Variants in MGAM observed in about 807,000 individuals in gnomAD.
MGAM encodes the protein alpha-1,4-glucosidase.
Under a neutral mutation model 358.8 loss-of-function variants are expected in MGAM, and 253 were observed. The observed-to-expected ratio is 0.71, with a 90% confidence interval of 0.64 to 0.78. The LOEUF (loss-of-function observed/expected upper bound fraction) is 0.78. MGAM is among the 30% of genes least tolerant of loss of function. The pLI is 0.00. For missense variants in MGAM, 3,080 were observed against 3,432.6 expected, an observed-to-expected ratio of 0.90 and a Z score of 2.57; for synonymous variants, 1,105 against 1,227.1, an observed-to-expected ratio of 0.90 and a Z score of 2.08.
chr7:142,053,657 T>C (rs1273676414), intron 26 of MGAM, among the ~76,000 whole-genome samples: 1 of 152,180 alleles, frequency 6.6e-6, no homozygotes, highest in Non-Finnish European at 1.5e-5. Flanking sequence ...GAATGTGCCC[T>C]TTCCTGTTTG....
chr7:142,100,646 A>T (rs1172207363), intron 67 of MGAM, among the ~76,000 whole-genome samples, 156 bp from the exon 68 acceptor site: 3 of 152,222 alleles, frequency 2.0e-5, no homozygotes, highest in African/African-American at 7.2e-5. Context: ...CCAGACAGAG[A>T]CAGAATTAGA....
upstream of MGAM, among the ~76,000 whole-genome samples, chr7:141,993,312 A>G (rs1014392202): frequency 1.3e-5 from 2 of 152,266 alleles, no homozygotes; most frequent in African/African-American, 4.8e-5. Flanking sequence ...ATTGTCCAAT[A>G]TATCACAGAC....
In MGAM at chr7:142,093,920, T is replaced by C. The variant is rs1487508536; in HGVS notation, c.7172+370T>C. Reference sequence around the variant, plus strand: ...CTCCCCTTTATTTCAAAGTGAATCATCTTTGGAGTTCTTTTTTGTTTTTCA... The same window carrying C: ...CTCCCCTTTATTTCAAAGTGAATCACCTTTGGAGTTCTTTTTTGTTTTTCA... On this transcript the variant is annotated intron_variant, in intron 60 of 70. Coordinates refer to ENST00000475668, the MANE Select transcript of MGAM (RefSeq NM_001365693.1). 5.5e-5 allele frequency among the ~76,000 whole-genome samples: 8 copies of C among 145,296 alleles called. 1 individual carries two copies. The highest frequency in any genetic ancestry group is 1.1e-4 in the Non-Finnish European group (7 of 64,098).
intron 24 of MGAM, 56 bp from the exon 25 acceptor site, chr7:142,052,238 C>A: frequency 6.9e-7 from 1 of 1,439,616 alleles, no homozygotes; most frequent in Non-Finnish European, 9.3e-7. Context: ...AACCTCAGGT[C>A]TTGCAAAGCC....
rs1339468724 is a variant in MGAM at position 142,045,419 on chromosome 7, C to T, written c.2499-2366C>T. Among the ~76,000 whole-genome samples, 21 of 104,598 alleles carry T rather than the reference C, an allele frequency of 2.0e-4. 1 individual carries two copies. The highest frequency in any genetic ancestry group is 1.6e-3 in the Admixed American group (12 of 7,492). The allele number at this position is 104,598 out of a possible 152,430, so 68.6% of individuals were successfully genotyped here. ...TGATATATTATATATATTATATATACCTATAATACATGATATATTATATAT... is the reference window on the plus strand; with the variant it reads ...TGATATATTATATATATTATATATATCTATAATACATGATATATTATATAT... On this transcript the variant is annotated intron_variant, in intron 21 of 70. Coordinates refer to ENST00000475668, the MANE Select transcript of MGAM (RefSeq NM_001365693.1).
At chr7:142,083,025 A>G (rs78583308) in intron 52 of MGAM, among the ~76,000 whole-genome samples, 2,172 of 146,548 alleles carry the variant, frequency 0.015, 198 homozygotes, top group South Asian at 0.1. Context: ...AAATGTGAAC[A>G]TGTACCTCCT....
chr7:142,068,323 T>A (rs1177845853), intron 42 of MGAM, among the ~76,000 whole-genome samples: 3 of 143,088 alleles, frequency 2.1e-5, no homozygotes, highest in African/African-American at 7.4e-5. Flanking sequence ...CCCACAAAAT[T>A]TTCTTCTGCC....
rs765596890 is a variant in MGAM, at chr7:142,096,385, A to T, written c.7662A>T (p.Pro2554=). 1.0e-4 allele frequency: 165 copies of T among 1,613,776 alleles called. No individual in the cohort carries two copies. The highest frequency in any genetic ancestry group is 1.3e-4 in the Non-Finnish European group (151 of 1,179,708). The change falls in exon 65 of 71, where the codon CCA becomes CCT. Residue 2554 remains proline (P), a synonymous_variant. Transcript: ENST00000475668. ...TAGACAGTCAGTTCCTGCTGGGCCC[A>T]GCCTTCCTGGTCAGCCCTGTCCTGG... ...WDIDSQFLLG[P]AFLVSPVLER...
At chr7:142,083,754 GGTGGTA>G (rs1349037981) in intron 53 of MGAM, among the ~76,000 whole-genome samples, 1 of 140,496 alleles carries the variant, frequency 7.1e-6, no homozygotes, top group African/African-American at 2.6e-5. Flanking sequence ...TGATAATGAT[GGTGGTA>G]GTAGTAGTGG....
rs938570407 is a variant in MGAM, at chr7:142,061,249, G to C, written c.4122+876G>C. On this transcript the variant is annotated intron_variant, in intron 34 of 70. Coordinates refer to ENST00000475668, the MANE Select transcript of MGAM (RefSeq NM_001365693.1). ...CCCTACGTGTACCCCGTATGGGATA[G>C]AATTCTGACTCAGCTGTGGCTGATA... Among the ~76,000 whole-genome samples the C allele has an allele frequency of 2.0e-5, 3 of 152,164 alleles. 1 individual carries two copies. The highest frequency in any genetic ancestry group is 4.1e-4 in the South Asian group (2 of 4,826).
chr7:142,037,088 A>G, intron 18 of MGAM, 111 bp downstream of exon 18: 1 of 1,075,012 alleles, frequency 9.3e-7, no homozygotes, highest in Non-Finnish European at 1.4e-6. Context: ...ATTCATATCT[A>G]TCTGTATCTA....
At chr7:142,032,804 T>C in intron 13 of MGAM, 21 bp from the exon 14 acceptor site, 1 of 1,531,650 alleles carries the variant, frequency 6.5e-7, no homozygotes, top group Non-Finnish European at 9.0e-7. Context: ...TTCTTAATAG[T>C]TTTTGCTCTT....
chr7:142,022,301 T>C lies in MGAM; in HGVS notation c.744T>C (p.Ala248=), dbSNP rs1405967169. The C allele has an allele frequency of 2.5e-6, 4 of 1,612,626 alleles. No homozygotes were observed. Among genetic ancestry groups the C allele is most frequent in the African/African-American group, 1.3e-5 (1 of 74,850 alleles). ...CGAGCATTGGGCCCCTACTGTTTGC[T>C]GACCAGTTCTTGCAGCTCTCCACTC... ...FDSSIGPLLF[A]DQFLQLSTRL... is the part of the protein sequence containing the mutation. The change falls in exon 7 of 71, where the codon GCT becomes GCC. Residue 248 remains alanine, a synonymous_variant. Coordinates refer to ENST00000475668, the MANE Select transcript of MGAM (RefSeq NM_001365693.1).
Position 142,059,587 on chromosome 7 carries a change from T to C in MGAM, c.3935T>C (p.Val1312Ala). Reference sequence around the variant, plus strand: ...CGCATGAAGGCTGATGGGATGCGGGTCATCCTCATTCTGGTTAGTCCTGAT... The same window carrying C: ...CGCATGAAGGCTGATGGGATGCGGGCCATCCTCATTCTGGTTAGTCCTGAT... ...INRMKADGMRVILILDPAISG... is the reference protein window; with the variant it reads ...INRMKADGMRAILILDPAISG... Residue 1312 changes from valine to alanine, a missense_variant, in exon 32 of 71, where the codon GTC becomes GCC. Val to Ala is a moderately conservative substitution (Grantham distance 64, BLOSUM62 0). Around this residue, in one of 5 missense-constraint regions of MGAM, gnomAD observed 1,816 missense variants for 1,840.5 expected, o/e 0.99. Transcript: ENST00000475668. 1 of 1,611,632 alleles carries C rather than the reference T, an allele frequency of 6.2e-7. No homozygotes were observed.
chr7:142,020,606 T>A (rs34641123), intron 4 of MGAM, among the ~76,000 whole-genome samples: 4,058 of 144,808 alleles, frequency 0.028, 115 homozygotes, highest in African/African-American at 0.083. Context: ...TATATATATT[T>A]TTTTTTTTTT....
rs1808748516 is a variant in MGAM, at chr7:142,041,972, ATATATATATAATATAATATATATATAT to A, written c.2498+1159_2498+1185del. On this transcript the variant is annotated intron_variant, in intron 21 of 70. Transcript: ENST00000475668. ...TACATATATATAATATATATATATT[ATATATATATAATATAATATATATATAT>A]TATATATATAATATAATATATATAT... Among the ~76,000 whole-genome samples, 6 of 22,932 alleles carry A rather than the reference ATATATATATAATATAATATATATATAT, an allele frequency of 2.6e-4. No homozygotes were observed. The East Asian group carries it at 3.6e-3, about 14-fold the overall frequency. The allele number at this position is 22,932 out of a possible 152,430, so 15.0% of individuals were successfully genotyped here. A position where few individuals can be genotyped will look rare whatever the true frequency, so the allele number is the denominator to read the frequency against.
intron 10 of MGAM, among the ~76,000 whole-genome samples, chr7:142,028,303 G>C (rs1488494479): frequency 6.6e-6 from 1 of 152,146 alleles, no homozygotes; most frequent in African/African-American, 2.4e-5. Context: ...GAATGATGCA[G>C]ATCCCCAGGC....
chr7:142,030,225 A>G, intron 10 of MGAM, 137 bp from the exon 11 acceptor site: 1 of 930,902 alleles, frequency 1.1e-6, no homozygotes, highest in Non-Finnish European at 1.6e-6. Context: ...AAGTACTCAG[A>G]TGCCAGGAAC....
At position 142,065,394 on chromosome 7, in the gene MGAM, CT is replaced by C. The variant is rs1812622859; in HGVS notation, c.4546del (p.Ser1516LeufsTer19). ...GTCATCACCCGCTCCACATTTCCCTCTTCTGGCCGCTGGGCAGGACATTGGC... is the reference window on the plus strand; with the variant it reads ...GTCATCACCCGCTCCACATTTCCCTCTCTGGCCGCTGGGCAGGACATTGGC... ...GVVITRSTFP[S>X]SGRWAGHWLG... On this transcript the variant is annotated frameshift_variant, in exon 38 of 71. Transcript: ENST00000475668. LOFTEE classifies it high-confidence loss of function. 6.2e-7 allele frequency: 1 copy of C among 1,610,712 alleles called. No homozygotes were observed. Among genetic ancestry groups the C allele is most frequent in the African/African-American group, 1.3e-5 (1 of 74,850 alleles).
Sources: gnomAD v4.1 joint callset for allele counts (sites outside exome capture counted in the v4.1 genomes callset) on GRCh38, gnomAD v4.1.1 for gene constraint, gnomAD v4.1.1 regional missense constraint, MANE v1.5 for transcripts, NCBI Gene and HGNC (gene_info 2026-07-23, HGNC 2026-07-21) for gene names.